The following TCEAL5 variants were observed in gnomAD, a reference collection of about 807,000 sequenced individuals.
The protein encoded by TCEAL5 is transcription elongation factor A like 5.
For missense variants in TCEAL5, 111 were observed against 158.1 expected (o/e 0.70, Z 1.60); for synonymous variants, 65 against 61.2 (o/e 1.06, Z -0.29).
Position 103,274,400 on chromosome X carries a change from T to A in TCEAL5, c.164A>T (p.Glu55Val). 8.3e-7 allele frequency: 1 copy of A among 1,211,322 alleles called. No homozygotes were observed. Among genetic ancestry groups the A allele is most frequent in the Non-Finnish European group, 1.1e-6 (1 of 895,436 alleles). Residue 55 changes from glutamate (E) to valine (V), a missense_variant, in exon 3 of 3, where the codon GAG (glutamate) becomes GTG (valine). Glu to Val is a moderately radical substitution (Grantham distance 121, BLOSUM62 -2). Coordinates refer to ENST00000372680, the MANE Select transcript of TCEAL5 (RefSeq NM_001012979.3). Reference protein sequence around the residue: ...EGKTECEGKREDEGEPGDEGQ... With the variant: ...EGKTECEGKRVDEGEPGDEGQ... ...CTCATCACCTGGCTCTCCCTCATCC[T>A]CTCGCTTTCCCTCGCATTCTGTCTT...
intron 1 of TCEAL5, among the ~76,000 whole-genome samples, chrX:103,276,191 G>GTCC (rs747376999): frequency 1.5e-4 from 17 of 110,631 alleles, no homozygotes; most frequent in Non-Finnish European, 2.5e-4. Context: ...CTCTTCCCTG[G>GTCC]TCCTCCTCCT....
rs1925512883 is a variant in TCEAL5 at position 103,274,301 on chromosome X, C to CCCTCACTTTGTGGCTTGT, written c.245_262dup (p.Asp82_Glu87dup). 2.5e-6 allele frequency: 3 copies of CCCTCACTTTGTGGCTTGT among 1,211,609 alleles called. No individual in the cohort carries two copies. Among genetic ancestry groups the CCCTCACTTTGTGGCTTGT allele is most frequent in the Non-Finnish European group, 3.4e-6 (3 of 895,514 alleles). On this transcript the variant is annotated inframe_insertion, in exon 3 of 3. Transcript: ENST00000372680. ...TGGCTTGGCCTGGGAGGCTGGCTTG[C>CCCTCACTTTGTGGCTTGT]CCTCACTTTGTGGCTTGTCCTCACC...
chrX:103,273,787 C>T lies in TCEAL5; in HGVS notation c.*156G>A, dbSNP rs1326790661. 6.6e-6 allele frequency: 5 copies of T among 754,381 alleles called. No individual in the cohort carries two copies. The African/African-American group carries it at 1.1e-4, about 16-fold the overall frequency. The allele number at this position is 754,381 out of a possible 1,213,427, so 62.2% of individuals were successfully genotyped here. On this transcript the variant is annotated 3_prime_UTR_variant, in exon 3 of 3. Transcript: ENST00000372680. ...GAAAATCCTCTACTAAAAGACAGAGCACTGTAGTTGGGTCAAAAGTCTGCT... is the reference window on the plus strand; with the variant it reads ...GAAAATCCTCTACTAAAAGACAGAGTACTGTAGTTGGGTCAAAAGTCTGCT...
chrX:103,274,387 C>A lies in TCEAL5; in HGVS notation c.177G>T (p.Glu59Asp). The change falls in exon 3 of 3, where the codon GAG becomes GAT. Residue 59 changes from glutamate (E) to aspartate (D), a missense_variant. Physicochemically the swap from Glu to Asp is conservative, Grantham distance 45. Transcript: ENST00000372680. ...ECEGKREDEGEPGDEGQLEDE... is the reference protein window; with the variant it reads ...ECEGKREDEGDPGDEGQLEDE... ...CTTCCAGTTGTCCCTCATCACCTGG[C>A]TCTCCCTCATCCTCTCGCTTTCCCT... The A allele has an allele frequency of 8.3e-7, 1 of 1,211,400 alleles. No individual in the cohort carries two copies. Among genetic ancestry groups the A allele is most frequent in the African/African-American group, 1.7e-5 (1 of 57,628 alleles).
rs780437170 is a variant in TCEAL5 at position 103,274,342 on chromosome X, C to T, written c.222G>A (p.Lys74=). Residue 74 remains lysine, a synonymous_variant, in exon 3 of 3, where the codon AAG becomes AAA. Coordinates refer to ENST00000372680, the MANE Select transcript of TCEAL5 (RefSeq NM_001012979.3). ...GQLEDEGNQE[K]QGKSEGEDKP... is the part of the protein sequence containing the mutation. ...TGTCCTCACCTTCAGACTTGCCCTG[C>T]TTTTCCTGGTTTCCCTCATCTTCCA... 7.5e-5 allele frequency: 91 copies of T among 1,209,455 alleles called. No homozygotes were observed. The South Asian group carries it at 1.3e-3, about 17-fold the overall frequency.
chrX:103,274,427 C>G lies in TCEAL5; in HGVS notation c.137G>C (p.Gly46Ala), dbSNP rs1869986592. The G allele has an allele frequency of 2.5e-6, 3 of 1,211,366 alleles. No individual in the cohort carries two copies. The highest frequency in any genetic ancestry group is 3.4e-6 in the Non-Finnish European group (3 of 895,432). The stretch of plus-strand genomic sequence containing the variant: ...TCGCTTTCCCTCGCATTCTGTCTTC[C>G]CCTCCATGTCCGGCTTTTCTTCCTC... ...SDEEEKPDMEGKTECEGKRED... is the reference protein window; with the variant it reads ...SDEEEKPDMEAKTECEGKRED... The change falls in exon 3 of 3, where the codon GGG becomes GCG. Residue 46 changes from glycine to alanine, a missense_variant. Coordinates refer to ENST00000372680, the MANE Select transcript of TCEAL5 (RefSeq NM_001012979.3).
chrX:103,274,724 T>G, intron 2 of TCEAL5, 134 bp from the exon 3 acceptor site: 1 of 583,983 alleles, frequency 1.7e-6, no homozygotes, highest in Non-Finnish European at 2.6e-6. Context: ...CACCCTTACA[T>G]TCCTTCCTTT....
chrX:103,274,393 C>T lies in TCEAL5; in HGVS notation c.171G>A (p.Glu57=), dbSNP rs1179284720. The T allele has an allele frequency of 5.8e-6, 7 of 1,209,189 alleles. No individual in the cohort carries two copies. The Admixed American group carries it at 8.8e-5, about 15-fold the overall frequency. Residue 57 remains glutamate (E), a synonymous_variant, in exon 3 of 3, where the codon GAG becomes GAA. Transcript: ENST00000372680. ...GTTGTCCCTCATCACCTGGCTCTCCCTCATCCTCTCGCTTTCCCTCGCATT... is the reference window on the plus strand; with the variant it reads ...GTTGTCCCTCATCACCTGGCTCTCCTTCATCCTCTCGCTTTCCCTCGCATT... ...KTECEGKRED[E]GEPGDEGQLE...
rs759900448 is a variant in TCEAL5 at position 103,274,192 on chromosome X, C to G, written c.372G>C (p.Thr124=). The change falls in exon 3 of 3, where the codon ACG becomes ACC. Residue 124 remains threonine (T), a synonymous_variant. Coordinates refer to ENST00000372680, the MANE Select transcript of TCEAL5 (RefSeq NM_001012979.3). The part of the protein sequence containing the change: ...RKAKRKTDRG[T]DDSPKDSQED... ...CCTGAGAGTCCTTGGGGGAATCGTC[C>G]GTCCCCCTGTCGGTTTTTCTTTTTG... The G allele has an allele frequency of 7.4e-6, 9 of 1,210,133 alleles. No homozygotes were observed. Among genetic ancestry groups the G allele is most frequent in the Admixed American group, 6.5e-5 (3 of 45,811 alleles).
At chrX:103,275,755 A>C in intron 1 of TCEAL5, among the ~76,000 whole-genome samples, 1 of 111,475 alleles carries the variant, frequency 9.0e-6, no homozygotes, top group Non-Finnish European at 1.9e-5. Flanking sequence ...GAAAATGGTG[A>C]TGACAGAGAT....
In TCEAL5 at chrX:103,273,780, GAC is replaced by G; in HGVS notation, c.*161_*162del. ...CATGGGTGAAAATCCTCTACTAAAA[GAC>G]AGAGCACTGTAGTTGGGTCAAAAGT... On this transcript the variant is annotated 3_prime_UTR_variant, in exon 3 of 3. Transcript: ENST00000372680. 2 of 723,285 alleles carry G rather than the reference GAC, an allele frequency of 2.8e-6. No individual in the cohort carries two copies. The highest frequency in any genetic ancestry group is 4.0e-6 in the Non-Finnish European group (2 of 502,766). The allele number at this position is 723,285 out of a possible 1,213,427, so 59.6% of individuals were successfully genotyped here. A position where few individuals can be genotyped will look rare whatever the true frequency, so the allele number is the denominator to read the frequency against.
At position 103,274,416 on chromosome X, in the gene TCEAL5, A is replaced by G; in HGVS notation, c.148T>C (p.Cys50Arg). The stretch of plus-strand genomic sequence containing the variant: ...CCCTCATCCTCTCGCTTTCCCTCGC[A>G]TTCTGTCTTCCCCTCCATGTCCGGC... The part of the protein sequence containing the change: ...EKPDMEGKTE[C>R]EGKREDEGEP... The change falls in exon 3 of 3, where the codon TGC (cysteine) becomes CGC (arginine). Residue 50 changes from cysteine (C) to arginine (R), a missense_variant. Transcript: ENST00000372680. 7.4e-6 allele frequency: 9 copies of G among 1,210,215 alleles called. No individual in the cohort carries two copies. The highest frequency in any genetic ancestry group is 1.0e-5 in the Non-Finnish European group (9 of 895,105).
Position 103,274,029 on chromosome X carries a change from A to G in TCEAL5, c.535T>C (p.Phe179Leu), listed in dbSNP as rs759909483. 20 of 1,210,039 alleles carry G rather than the reference A, an allele frequency of 1.7e-5. No homozygotes were observed. The highest frequency in any genetic ancestry group is 2.1e-5 in the Non-Finnish European group (19 of 895,274). ...ACACCCCGTTGGCCCCTTGGGGCGA[A>G]TGGATCCTGTACATCTCTTTGCATC... ...HWMQRDVQDP[F>L]APRGQRGVRG... The change falls in exon 3 of 3, where the codon TTC (phenylalanine) becomes CTC (leucine). Residue 179 changes from phenylalanine to leucine, a missense_variant. Physicochemically the swap from Phe to Leu is conservative, Grantham distance 22. Coordinates refer to ENST00000372680, the MANE Select transcript of TCEAL5 (RefSeq NM_001012979.3).
At position 103,273,814 on chromosome X, in the gene TCEAL5, G is replaced by A. The variant is rs1467348093; in HGVS notation, c.*129C>T. On this transcript the variant is annotated 3_prime_UTR_variant, in exon 3 of 3. Coordinates refer to ENST00000372680, the MANE Select transcript of TCEAL5 (RefSeq NM_001012979.3). ...CTGTAGTTGGGTCAAAAGTCTGCTG[G>A]TAACAAGAGTGACACCTAAAGGAAA... is the stretch of plus-strand genomic sequence containing the variant. The A allele has an allele frequency of 1.5e-5, 15 of 1,004,249 alleles. No homozygotes were observed. In the East Asian group the frequency reaches 5.0e-4, roughly 34 times the overall value. 82.8% of individuals were successfully genotyped at this position (1,004,249 alleles called of 1,213,427 possible).
chrX:103,275,933 C>T (rs993887470), intron 1 of TCEAL5, among the ~76,000 whole-genome samples: 22 of 112,466 alleles, frequency 2.0e-4, no homozygotes, highest in African/African-American at 6.1e-4. Flanking sequence ...AGAAGCCACT[C>T]CTCCTGGATA....
rs1015451369 is a variant in TCEAL5 at position 103,273,740 on chromosome X, C to A, written c.*203G>T. The A allele has an allele frequency of 1.7e-5, 9 of 530,496 alleles. No homozygotes were observed. The African/African-American group carries it at 1.9e-4, about 11-fold the overall frequency. The allele number at this position is 530,496 out of a possible 1,213,427, so 43.7% of individuals were successfully genotyped here. ...TTGTTATTTTACAATGTACCATGAA[C>A]ATTTATTCCATGCACATGGGTGAAA... On this transcript the variant is annotated 3_prime_UTR_variant, in exon 3 of 3. Coordinates refer to ENST00000372680, the MANE Select transcript of TCEAL5 (RefSeq NM_001012979.3).
chrX:103,276,249 T>C (rs888613000), intron 1 of TCEAL5, among the ~76,000 whole-genome samples: 4 of 110,298 alleles, frequency 3.6e-5, no homozygotes, highest in Non-Finnish European at 3.8e-5. Flanking sequence ...AGTTCCCAAC[T>C]GGTACCCAAT....
chrX:103,276,288 GC>G (rs1191622651), intron 1 of TCEAL5, among the ~76,000 whole-genome samples: 3 of 98,173 alleles, frequency 3.1e-5, no homozygotes, highest in Non-Finnish European at 6.2e-5. Flanking sequence ...CTCGAGTTCC[GC>G]CCCCCTCCCC....
intron 1 of TCEAL5, among the ~76,000 whole-genome samples, chrX:103,275,988 G>A (rs1323788414): frequency 9.0e-6 from 1 of 111,545 alleles, no homozygotes; most frequent in Admixed American, 9.4e-5. Flanking sequence ...TTTTTCTACA[G>A]CACCTCCTTC....
Sources: allele counts gnomAD v4.1 joint callset (sites outside exome capture counted in the v4.1 genomes callset), GRCh38; gene constraint gnomAD v4.1.1; transcripts MANE v1.5; gene names NCBI Gene and HGNC (gene_info 2026-07-23, HGNC 2026-07-21).